Variants in TDRD9 observed in about 807,000 individuals in gnomAD.
TDRD9 encodes tudor domain containing 9.
A neutral mutation model predicts 172.6 loss-of-function variants in TDRD9; 124 were observed. The observed-to-expected ratio is 0.72, with a 90% CI of 0.62 to 0.83. The LOEUF (loss-of-function observed/expected upper bound fraction) is 0.83, where lower values mean the gene tolerates loss of function less well. TDRD9 is among the 40% of genes least tolerant of loss of function. TDRD9 has a pLI of 0.00. For synonymous variants in TDRD9, 619 were observed against 617.1 expected (o/e 1.00, Z -0.05); for missense variants, 1,479 against 1,714.1 (o/e 0.86, Z 2.42).
intron 1 of TDRD9, among the ~76,000 whole-genome samples, chr14:103,934,032 CT>C (rs897685552): frequency 6.6e-4 from 94 of 141,562 alleles, no homozygotes; most frequent in African/African-American, 1.4e-3. Context: ...ACAAAATCCA[CT>C]TTTTTTTTTT....
chr14:104,004,441 C>T (rs1337857333), intron 14 of TDRD9, 106 bp downstream of exon 14: 3 of 590,554 alleles, frequency 5.1e-6, no homozygotes, highest in Non-Finnish European at 8.9e-6. Context: ...AGTGCACTGG[C>T]ATGATCTTGG....
chr14:103,938,364 C>T (rs1410693701), intron 1 of TDRD9, among the ~76,000 whole-genome samples: 4 of 145,956 alleles, frequency 2.7e-5, no homozygotes, highest in African/African-American at 7.6e-5. Context: ...TCGTCCCCTT[C>T]CCACCTGTGC....
rs1427308386 is a variant in TDRD9, at chr14:103,980,819, G to T, written c.1011+5266G>T. ...ATGCTGGCATTACTGCTAGACCAAG[G>T]AGCCCTCTGGTGGCCCTGTCCGGGC... On this transcript the variant is annotated intron_variant, in intron 7 of 35. Transcript: ENST00000409874. The surrounding 1 kb of genome is among the most constrained non-coding windows in gnomAD (Gnocchi z 4.5). 6.6e-6 allele frequency among the ~76,000 whole-genome samples: 1 copy of T among 152,140 alleles called. No individual in the cohort carries two copies. Among genetic ancestry groups the T allele is most frequent in the Non-Finnish European group, 1.5e-5 (1 of 68,036 alleles).
chr14:104,040,754 G>C (rs1459475875), intron 33 of TDRD9, among the ~76,000 whole-genome samples: 2 of 152,230 alleles, frequency 1.3e-5, no homozygotes, highest in Non-Finnish European at 2.9e-5. Context: ...ATGCTGAGCA[G>C]AGGGCTGGGT....
At chr14:104,010,015 G>A (rs539932275) in intron 20 of TDRD9, among the ~76,000 whole-genome samples, 3 of 147,982 alleles carry the variant, frequency 2.0e-5, no homozygotes, top group African/African-American at 5.0e-5. Context: ...GCACAGTCTC[G>A]GCTCACTGTA....
intron 13 of TDRD9, among the ~76,000 whole-genome samples, chr14:104,000,329 C>CAAAAAAAAA (rs60498436): frequency 1.6e-5 from 2 of 127,996 alleles, no homozygotes; most frequent in Non-Finnish European, 1.6e-5. Context: ...AGCCCCGTCT[C>CAAAAAAAAA]AAAAAAAAAA....
rs550789730 is a variant in TDRD9, at chr14:104,016,846, C to T, written c.2331+758C>T. Among the ~76,000 whole-genome samples the T allele has an allele frequency of 5.3e-5, 8 of 152,254 alleles. No individual in the cohort carries two copies. In the South Asian group the frequency reaches 1.7e-3, roughly 32 times the overall value. On this transcript the variant is annotated intron_variant, in intron 22 of 35. Transcript: ENST00000409874. ...GGGCTCAGTCATTGCCAGATTTTAT[C>T]CTGGTTATTGTTACACCACCACTGT...
chr14:103,995,967 T>C (rs1304280830), intron 12 of TDRD9, among the ~76,000 whole-genome samples, 160 bp downstream of exon 12: 4 of 152,214 alleles, frequency 2.6e-5, no homozygotes, highest in Non-Finnish European at 5.9e-5. Flanking sequence ...TCCCATACTC[T>C]CAGTTCACCA....
At chr14:103,940,658 TA>T (rs1254896859) in intron 1 of TDRD9, 1 of 581,196 alleles carries the variant, frequency 1.7e-6, no homozygotes, top group Non-Finnish European at 3.0e-6. Context: ...TTAGAGTGGT[TA>T]AAAAAAGAAC....
At position 104,035,260 on chromosome 14, in the gene TDRD9, G is replaced by C. The variant is rs116263538; in HGVS notation, c.3716+204G>C. Among the ~76,000 whole-genome samples, 377 of 152,162 alleles carry C rather than the reference G, an allele frequency of 2.5e-3. 1 individual carries two copies. Among genetic ancestry groups the C allele is most frequent in the African/African-American group, 8.8e-3 (365 of 41,492 alleles). ...GAAAGAAGCTCAGAAAGCTTGTAAA[G>C]GTACACACTGTGTCACATAGGAGCT... On this transcript the variant is annotated intron_variant, in intron 32 of 35. Coordinates refer to ENST00000409874, the MANE Select transcript of TDRD9 (RefSeq NM_153046.3).
intron 1 of TDRD9, among the ~76,000 whole-genome samples, chr14:103,937,281 T>C (rs192327499): frequency 6.6e-6 from 1 of 152,312 alleles, no homozygotes; most frequent in African/African-American, 2.4e-5. Flanking sequence ...TCTGGTCACA[T>C]TGGCATTTTT....
intron 7 of TDRD9, among the ~76,000 whole-genome samples, chr14:103,982,408 T>C: frequency 6.6e-6 from 1 of 152,108 alleles, no homozygotes; most frequent in East Asian, 1.9e-4. Context: ...GTGACCTCCT[T>C]GTCGTTAGGA....
intron 2 of TDRD9, among the ~76,000 whole-genome samples, chr14:103,958,978 C>T (rs2032375299): frequency 6.6e-6 from 1 of 152,132 alleles, no homozygotes; most frequent in Non-Finnish European, 1.5e-5. Context: ...TGAAAGTTTC[C>T]ATGCTTTTCT....
chr14:104,003,206 G>T (rs10135296), intron 13 of TDRD9, among the ~76,000 whole-genome samples: 57,061 of 151,662 alleles, frequency 0.38, 10,948 homozygotes, highest in African/African-American at 0.43. Context: ...TTGTCAGGTG[G>T]GAACAAGGAC....
rs996293420 is a variant in TDRD9 at position 104,040,463 on chromosome 14, C to T, written c.3855+129C>T. 3.7e-5 allele frequency: 38 copies of T among 1,027,452 alleles called. No individual in the cohort carries two copies. In the East Asian group the frequency reaches 8.2e-4, roughly 22 times the overall value. 63.6% of individuals were successfully genotyped at this position (1,027,452 alleles called of 1,614,324 possible). ...ACACCTCTGGTCCTGGAGATGTGCA[C>T]GTTCCTTGTCCCTCCTGGAGTCACC... is the stretch of plus-strand genomic sequence containing the variant. On this transcript the variant is annotated intron_variant, in intron 33 of 35. Transcript: ENST00000409874.
chr14:103,953,373 G>A (rs1293592342), intron 1 of TDRD9, among the ~76,000 whole-genome samples: 1 of 150,216 alleles, frequency 6.7e-6, no homozygotes, highest in Non-Finnish European at 1.5e-5. Flanking sequence ...GTAAATGTCA[G>A]GCAAACAGTA....
chr14:103,987,351 C>G (rs1001112388), intron 8 of TDRD9, among the ~76,000 whole-genome samples: 10 of 152,086 alleles, frequency 6.6e-5, no homozygotes, highest in African/African-American at 2.4e-4. Context: ...TTCTTTTTAG[C>G]GCTAAATTCC....
rs199766081 is a variant in TDRD9, at chr14:104,005,382, C to T, written c.1690C>T (p.Arg564Cys). ...CCCGCCTGGTCTGAGTGACATTGAG[C>T]GCACCATCCTTCTACTAAAGGAGGT... is the stretch of plus-strand genomic sequence containing the variant. ...LSPPGLSDIE[R>C]TILLLKEVGA... Residue 564 changes from arginine (R) to cysteine (C), a missense_variant, in exon 15 of 36, where the codon CGC becomes TGC. Coordinates refer to ENST00000409874, the MANE Select transcript of TDRD9 (RefSeq NM_153046.3). The T allele has an allele frequency of 3.3e-5, 53 of 1,613,924 alleles. No individual in the cohort carries two copies. Among genetic ancestry groups the T allele is most frequent in the Admixed American group, 2.2e-4 (13 of 59,992 alleles).
At chr14:103,971,798 CTA>C (rs1297552722) in intron 6 of TDRD9, among the ~76,000 whole-genome samples, 1 of 152,126 alleles carries the variant, frequency 6.6e-6, no homozygotes. Context: ...GTCTAGTTGA[CTA>C]TAATGACATG....
Sources: allele counts gnomAD v4.1 joint callset (sites outside exome capture counted in the v4.1 genomes callset), GRCh38; gene constraint gnomAD v4.1.1; non-coding constraint Gnocchi (gnomAD v3.1); transcripts MANE v1.5; gene names NCBI Gene and HGNC (gene_info 2026-07-23, HGNC 2026-07-21).